Variants in TBC1D12 observed in about 807,000 individuals in gnomAD.
TBC1D12 encodes the protein TBC1 domain family member 12, also known as TBC1 domain family, member 12.
A neutral mutation model predicts 86.7 loss-of-function variants in TBC1D12; 56 were observed. The observed-to-expected ratio is 0.65, with a 90% confidence interval of 0.52 to 0.81. The LOEUF (loss-of-function observed/expected upper bound fraction) is 0.81. TBC1D12 is among the 30% of genes least tolerant of loss of function. The probability of loss-of-function intolerance (pLI) is 0.00; values close to 1 mark genes in which losing one functional copy is unlikely to be tolerated. For missense variants in TBC1D12, 1,023 were observed against 1,038.8 expected (o/e 0.98, Z 0.21); for synonymous variants, 421 against 411.7 (o/e 1.02, Z -0.27).
Position 94,533,277 on chromosome 10 carries a change from A to G in TBC1D12, c.*181A>G. On this transcript the variant is annotated 3_prime_UTR_variant, in exon 13 of 13. Coordinates refer to ENST00000225235, the MANE Select transcript of TBC1D12 (RefSeq NM_015188.2). ...ATGAAATAAGTAACTTATTGACAGT[A>G]TTAATAAACTATTATTTTGTAGGTA... 1 of 421,746 alleles carries G rather than the reference A, an allele frequency of 2.4e-6. No individual in the cohort carries two copies. The highest frequency in any genetic ancestry group is 4.1e-6 in the Non-Finnish European group (1 of 241,268). 26.1% of individuals were successfully genotyped at this position (421,746 alleles called of 1,614,324 possible).
chr10:94,436,710 T>TA (rs2055303026), intron 1 of TBC1D12, among the ~76,000 whole-genome samples: 1 of 152,120 alleles, frequency 6.6e-6, no homozygotes, highest in African/African-American at 2.4e-5. Flanking sequence ...TTCTTGCTAT[T>TA]ATATCTCTTT....
rs575544970 is a variant in TBC1D12, at chr10:94,433,710, G to GT, written c.972-8182dup. On this transcript the variant is annotated intron_variant, in intron 1 of 12. Transcript: ENST00000225235. ...GGTATAACTTCATCTTATATTTGTG[G>GT]TTTTCTCCGTCTGCTGCTATGTCTG... Among the ~76,000 whole-genome samples, 29 of 152,164 alleles carry GT rather than the reference G, an allele frequency of 1.9e-4. No individual in the cohort carries two copies. In the South Asian group the frequency reaches 5.6e-3, roughly 29 times the overall value.
rs1363181004 is a variant in TBC1D12, at chr10:94,531,118, T to C, written c.2001-84T>C. On this transcript the variant is annotated intron_variant, in intron 11 of 12. Transcript: ENST00000225235. ...TGCCTTCTTATCCCTAATTAAACAC[T>C]GTTCTTTTTTTATAGAGATGCTTAC... 3.4e-6 allele frequency: 5 copies of C among 1,461,212 alleles called. No homozygotes were observed. In the East Asian group the frequency reaches 1.1e-4, roughly 33 times the overall value. The allele number at this position is 1,461,212 out of a possible 1,614,324, so 90.5% of individuals were successfully genotyped here. A position where few individuals can be genotyped will look rare whatever the true frequency, so the allele number is the denominator to read the frequency against.
intron 5 of TBC1D12, among the ~76,000 whole-genome samples, chr10:94,497,674 C>T (rs1044656193): frequency 2.8e-5 from 4 of 142,132 alleles, no homozygotes; most frequent in South Asian, 2.4e-4. Flanking sequence ...CGCCTGCCAC[C>T]GCGCCTGGCT....
chr10:94,524,767 C>G (rs1046835134), intron 11 of TBC1D12, among the ~76,000 whole-genome samples: 3 of 150,666 alleles, frequency 2.0e-5, no homozygotes, highest in African/African-American at 7.3e-5. Flanking sequence ...TAATTTTTAC[C>G]ACATACTGAT....
chr10:94,486,732 T>A (rs2056168215), intron 3 of TBC1D12, among the ~76,000 whole-genome samples: 1 of 152,196 alleles, frequency 6.6e-6, no homozygotes, highest in Non-Finnish European at 1.5e-5. Flanking sequence ...GGAAGCAACA[T>A]GTGGTCTATC....
chr10:94,486,512 T>C (rs887167174), intron 3 of TBC1D12, among the ~76,000 whole-genome samples: 24 of 152,228 alleles, frequency 1.6e-4, no homozygotes, highest in Admixed American at 1.5e-3. Context: ...CCATTAACAT[T>C]TGTTTCAAAA....
intron 6 of TBC1D12, 24 bp downstream of exon 6, chr10:94,500,351 T>C: frequency 1.3e-6 from 2 of 1,597,048 alleles, no homozygotes. Context: ...GTTCAGTTAT[T>C]CCCACATGTA....
chr10:94,532,640 T>C (rs1842460642), intron 12 of TBC1D12, among the ~76,000 whole-genome samples: 1 of 152,218 alleles, frequency 6.6e-6, no homozygotes, highest in South Asian at 2.1e-4. Flanking sequence ...AAAGAATATA[T>C]AATGTATGGT....
intron 1 of TBC1D12, among the ~76,000 whole-genome samples, chr10:94,431,710 C>G (rs563974739): frequency 9.2e-5 from 14 of 152,310 alleles, no homozygotes; most frequent in African/African-American, 3.4e-4. Flanking sequence ...TAAATTTACT[C>G]AGCAAAACAT....
chr10:94,404,623 G>C (rs1363236965), intron 1 of TBC1D12, among the ~76,000 whole-genome samples: 2 of 150,962 alleles, frequency 1.3e-5, no homozygotes, highest in Non-Finnish European at 1.5e-5. Context: ...TCCAGCCTGG[G>C]GGACAAGAGC....
chr10:94,493,346 A>C lies in TBC1D12; in HGVS notation c.1212-19A>C, dbSNP rs920350665. On this transcript the variant is annotated intron_variant, in intron 3 of 12. Coordinates refer to ENST00000225235, the MANE Select transcript of TBC1D12 (RefSeq NM_015188.2). Reference sequence around the variant, plus strand: ...AATCTTTTAAAAATTGTCTTGACTTAAGTAATTTTTTTTTCCAGAAATCTT... The same window carrying C: ...AATCTTTTAAAAATTGTCTTGACTTCAGTAATTTTTTTTTCCAGAAATCTT... The C allele has an allele frequency of 1.3e-6, 2 of 1,588,938 alleles. No individual in the cohort carries two copies. Among genetic ancestry groups the C allele is most frequent in the Non-Finnish European group, 1.7e-6 (2 of 1,164,528 alleles).
intron 1 of TBC1D12, among the ~76,000 whole-genome samples, chr10:94,438,953 G>A (rs778386319): frequency 6.6e-6 from 1 of 151,920 alleles, no homozygotes; most frequent in Non-Finnish European, 1.5e-5. Flanking sequence ...ACAGGTTTGC[G>A]CCACCATGCC....
In TBC1D12 at chr10:94,402,772, C is replaced by T; in HGVS notation, c.159C>T (p.Asp53=). The change falls in exon 1 of 13, where the codon GAC becomes GAT. Residue 53 remains aspartate (D), a synonymous_variant. Coordinates refer to ENST00000225235, the MANE Select transcript of TBC1D12 (RefSeq NM_015188.2). Reference sequence around the variant, plus strand: ...CTGTGGAGCCGCCGGAGGAGGCTGACGAGGAGGAGGAGGCTGACGAGGAGG... The same window carrying T: ...CTGTGGAGCCGCCGGAGGAGGCTGATGAGGAGGAGGAGGCTGACGAGGAGG... ...VGAVEPPEEA[D]EEEEADEEEE... The T allele has an allele frequency of 2.6e-6, 4 of 1,529,296 alleles. No homozygotes were observed. The highest frequency in any genetic ancestry group is 2.6e-6 in the Non-Finnish European group (3 of 1,135,528). 94.7% of individuals were successfully genotyped at this position (1,529,296 alleles called of 1,614,324 possible). A position where few individuals can be genotyped will look rare whatever the true frequency, so the allele number is the denominator to read the frequency against.
At chr10:94,506,618 G>A (rs1231131692) in intron 6 of TBC1D12, among the ~76,000 whole-genome samples, 1 of 152,164 alleles carries the variant, frequency 6.6e-6, no homozygotes, top group Non-Finnish European at 1.5e-5. Flanking sequence ...ATGAGACCCT[G>A]CATATGGGAG....
At chr10:94,430,012 A>G (rs1405411866) in intron 1 of TBC1D12, among the ~76,000 whole-genome samples, 3 of 152,140 alleles carry the variant, frequency 2.0e-5, no homozygotes, top group African/African-American at 7.2e-5. Context: ...CTGGTATTAC[A>G]GGTGTGAGTC....
At chr10:94,517,350 C>T (rs1306602591) in intron 9 of TBC1D12, among the ~76,000 whole-genome samples, 2 of 152,130 alleles carry the variant, frequency 1.3e-5, no homozygotes, top group Non-Finnish European at 2.9e-5. Context: ...TGCACTCCAG[C>T]GTGGGTGACA....
intron 3 of TBC1D12, among the ~76,000 whole-genome samples, chr10:94,481,796 T>G (rs2056081639): frequency 6.6e-6 from 1 of 152,092 alleles, no homozygotes; most frequent in African/African-American, 2.4e-5. Flanking sequence ...TTGGCTTTTT[T>G]TTTTAAATTT....
At chr10:94,440,487 T>C (rs1000045445) in intron 1 of TBC1D12, among the ~76,000 whole-genome samples, 6 of 152,238 alleles carry the variant, frequency 3.9e-5, no homozygotes, top group Admixed American at 2.6e-4. Flanking sequence ...TTCTTTTCTT[T>C]ATTATTGATT....
Sources: gnomAD v4.1 joint callset for allele counts (sites outside exome capture counted in the v4.1 genomes callset) on GRCh38, gnomAD v4.1.1 for gene constraint, MANE v1.5 for transcripts, NCBI Gene and HGNC (gene_info 2026-07-23, HGNC 2026-07-21) for gene names.